GALNTL6: variants seen among roughly 807,000 people sequenced by gnomAD.
GALNTL6 encodes the protein polypeptide N-acetylgalactosaminyltransferase-like 6.
In GALNTL6, 46 loss-of-function variants were observed where a neutral mutation model predicts 73.7. The observed-to-expected ratio is 0.62, with a 90% CI of 0.49 to 0.80. GALNTL6 has a LOEUF of 0.80. GALNTL6 is among the 30% of genes least tolerant of loss of function. The pLI is 0.00. For missense variants in GALNTL6, 604 were observed against 755.0 expected, an observed-to-expected ratio of 0.80 and a Z score of 2.34; for synonymous variants, 259 against 263.7, an observed-to-expected ratio of 0.98 and a Z score of 0.17.
chr4:172,038,476 T>C (rs189216676), intron 2 of GALNTL6, among the ~76,000 whole-genome samples: 121 of 152,298 alleles, frequency 7.9e-4, no homozygotes, highest in Middle Eastern at 3.4e-3. Context: ...CAGTAACTAT[T>C]GTTTCGTTAA....
rs558300675 is a variant in GALNTL6 at position 172,217,167 on chromosome 4, G to T, written c.139-12489G>T. On this transcript the variant is annotated intron_variant, in intron 2 of 12. Coordinates refer to ENST00000506823, the MANE Select transcript of GALNTL6 (RefSeq NM_001034845.3). The stretch of plus-strand genomic sequence containing the variant: ...TTGGACTCTTAGTTAATCTCTTCAG[G>T]ATTGGGAGGGCCTGGAAGAAAAAGA... Among the ~76,000 whole-genome samples, 3 of 152,220 alleles carry T rather than the reference G, an allele frequency of 2.0e-5. No individual in the cohort carries two copies. The South Asian group carries it at 6.2e-4, about 32-fold the overall frequency.
At chr4:172,820,640 C>T (rs1741871326) in intron 7 of GALNTL6, among the ~76,000 whole-genome samples, 1 of 152,082 alleles carries the variant, frequency 6.6e-6, no homozygotes, top group Non-Finnish European at 1.5e-5. Flanking sequence ...CTCTCCCATC[C>T]CTATTAGGAC....
At chr4:172,775,572 T>TA (rs1167711718) in intron 5 of GALNTL6, among the ~76,000 whole-genome samples, 1 of 152,208 alleles carries the variant, frequency 6.6e-6, no homozygotes, top group African/African-American at 2.4e-5. Context: ...ACCAAGGGAT[T>TA]CTTTTTTCCC....
chr4:173,023,886 T>G (rs939465789), intron 12 of GALNTL6, among the ~76,000 whole-genome samples: 2 of 151,872 alleles, frequency 1.3e-5, no homozygotes, highest in Admixed American at 6.6e-5. Context: ...TAAAGTAAGG[T>G]TTTTTTTAAT....
At chr4:172,104,088 C>T (rs1048634295) in intron 2 of GALNTL6, among the ~76,000 whole-genome samples, 6 of 152,096 alleles carry the variant, frequency 3.9e-5, no homozygotes, top group Non-Finnish European at 5.9e-5. Flanking sequence ...GGACTACAGG[C>T]GCCCACCACC....
Position 172,515,712 on chromosome 4 carries a change from T to C in GALNTL6, c.553+167023T>C, listed in dbSNP as rs145344678. ...AGGCCTTTATAACCAGCACCTCCTA[T>C]TGGCTGGCTACTGGAACAGAGTTGG... On this transcript the variant is annotated intron_variant, in intron 5 of 12. Coordinates refer to ENST00000506823, the MANE Select transcript of GALNTL6 (RefSeq NM_001034845.3). Among the ~76,000 whole-genome samples, 224 of 152,266 alleles carry C rather than the reference T, an allele frequency of 1.5e-3. 1 individual carries two copies. Among genetic ancestry groups the C allele is most frequent in the African/African-American group, 5.2e-3 (218 of 41,556 alleles).
intron 5 of GALNTL6, among the ~76,000 whole-genome samples, chr4:172,774,959 C>CAATAATAATAATAATAATAATAAT (rs57591714): frequency 2.1e-5 from 3 of 140,634 alleles, no homozygotes; most frequent in African/African-American, 8.2e-5. Flanking sequence ...GGCTCCATCT[C>CAATAATAATAATAATAATAATAAT]AATAATAATA....
chr4:171,907,238 A>G (rs574879546), intron 2 of GALNTL6, among the ~76,000 whole-genome samples: 2 of 152,284 alleles, frequency 1.3e-5, no homozygotes, highest in East Asian at 3.9e-4. Flanking sequence ...TTGTGTATCT[A>G]GAAAACCCCA....
chr4:172,572,989 T>C (rs143698618), intron 5 of GALNTL6, among the ~76,000 whole-genome samples: 171 of 152,220 alleles, frequency 1.1e-3, no homozygotes, highest in African/African-American at 3.9e-3. Flanking sequence ...TCTAGAATTA[T>C]TGAAGTGGGT....
In GALNTL6 at chr4:172,809,350, T is replaced by C. The variant is rs1386573980; in HGVS notation, c.554-11T>C. On this transcript the variant is annotated splice_polypyrimidine_tract_variant and intron_variant, in intron 5 of 12. Transcript: ENST00000506823. This position sits in a 1 kb window ranked among gnomAD's most constrained non-coding sequence, Gnocchi z 4.4. ...TGCGTTTTTTCTATGCATTCTCTAC[T>C]TCCTACCTAGAACACCTGAAGGATA... is the stretch of plus-strand genomic sequence containing the variant. The C allele has an allele frequency of 6.2e-7, 1 of 1,611,846 alleles. No individual in the cohort carries two copies. Among genetic ancestry groups the C allele is most frequent in the Non-Finnish European group, 8.5e-7 (1 of 1,178,508 alleles).
At chr4:172,105,932 G>T (rs1392832141) in intron 2 of GALNTL6, among the ~76,000 whole-genome samples, 1 of 152,056 alleles carries the variant, frequency 6.6e-6, no homozygotes, top group Admixed American at 6.6e-5. Flanking sequence ...AATGCTAAAA[G>T]TTTGAAAACA....
intron 7 of GALNTL6, among the ~76,000 whole-genome samples, chr4:172,845,216 CAAA>C (rs11336973): frequency 2.0e-4 from 18 of 91,014 alleles, no homozygotes; most frequent in Admixed American, 3.3e-4. Flanking sequence ...GTCTCTGTCT[CAAA>C]AAAAAAAAAA....
chr4:172,991,524 T>C (rs2126456674), intron 10 of GALNTL6, among the ~76,000 whole-genome samples: 1 of 152,068 alleles, frequency 6.6e-6, no homozygotes, highest in East Asian at 1.9e-4. Flanking sequence ...CTCAGCCTCC[T>C]GAGTAGCTAA....
rs1214874685 is a variant in GALNTL6, at chr4:172,206,775, G to GTTTTTT, written c.139-22880_139-22875dup. On this transcript the variant is annotated intron_variant, in intron 2 of 12. Transcript: ENST00000506823. ...ATGCATATCAGAGCAGATGAAACGT[G>GTTTTTT]TTTTTTGTTTTGTTTTGTTTTGTTT... 3.3e-4 allele frequency among the ~76,000 whole-genome samples: 26 copies of GTTTTTT among 79,780 alleles called. 9 individuals are homozygous for GTTTTTT. Among genetic ancestry groups the GTTTTTT allele is most frequent in the East Asian group, 2.4e-3 (2 of 820 alleles). The allele number at this position is 79,780 out of a possible 152,430, so 52.3% of individuals were successfully genotyped here.
At chr4:172,250,303 G>A (rs1265063517) in intron 3 of GALNTL6, among the ~76,000 whole-genome samples, 1 of 152,060 alleles carries the variant, frequency 6.6e-6, no homozygotes, top group Non-Finnish European at 1.5e-5. Context: ...TAATTAACTT[G>A]CTTTTCATTT....
intron 7 of GALNTL6, among the ~76,000 whole-genome samples, chr4:172,820,159 T>G (rs1235626837): frequency 6.6e-6 from 1 of 152,190 alleles, no homozygotes; most frequent in Non-Finnish European, 1.5e-5. Context: ...GACCCAGGCT[T>G]GGGTTGACTA....
intron 7 of GALNTL6, among the ~76,000 whole-genome samples, chr4:172,846,550 T>G (rs1743517847): frequency 6.9e-6 from 1 of 144,806 alleles, no homozygotes; most frequent in Non-Finnish European, 1.5e-5. Context: ...TAGCAATAGA[T>G]TTTTTTGTAA....
intron 2 of GALNTL6, among the ~76,000 whole-genome samples, chr4:171,837,738 AGTT>A (rs1735134710): frequency 6.7e-6 from 1 of 148,208 alleles, no homozygotes; most frequent in South Asian, 2.1e-4. Flanking sequence ...ACTTTTCTGA[AGTT>A]TAAGTTTAAG....
At chr4:172,574,687 C>T (rs894781114) in intron 5 of GALNTL6, among the ~76,000 whole-genome samples, 2 of 151,746 alleles carry the variant, frequency 1.3e-5, no homozygotes, top group Non-Finnish European at 2.9e-5. Flanking sequence ...AAAAAAATTG[C>T]TTCAAGTACA....
Sources: allele counts gnomAD v4.1 joint callset (sites outside exome capture counted in the v4.1 genomes callset), GRCh38; gene constraint gnomAD v4.1.1; non-coding constraint Gnocchi (gnomAD v3.1); transcripts MANE v1.5; gene names NCBI Gene and HGNC (gene_info 2026-07-23, HGNC 2026-07-21).